The following TCAF1 variants were observed in gnomAD, a reference collection of about 807,000 sequenced individuals.
The protein encoded by TCAF1 is TRPM8 channel associated factor 1.
A neutral mutation model predicts 27.3 loss-of-function variants in TCAF1; 4 were observed. The observed-to-expected ratio is 0.15, with a 90% CI of 0.07 to 0.34. TCAF1 has a LOEUF of 0.34. Among genes scored for constraint, TCAF1 ranks in the 10% least tolerant of loss-of-function variants. The pLI is 1.00. For missense variants in TCAF1, 257 were observed against 425.8 expected, an observed-to-expected ratio of 0.60 and a Z score of 3.49; for synonymous variants, 105 against 167.1, an observed-to-expected ratio of 0.63 and a Z score of 2.87.
intron 2 of TCAF1, among the ~76,000 whole-genome samples, chr7:143,875,122 G>A (rs191637181): frequency 2.7e-4 from 41 of 152,228 alleles, no homozygotes; most frequent in African/African-American, 8.9e-4. Flanking sequence ...TTGGTGTGTC[G>A]TCCTCACCCA....
chr7:143,884,958 GA>G, intron 1 of TCAF1: 1 of 981,012 alleles, frequency 1.0e-6, no homozygotes, highest in Non-Finnish European at 1.2e-6. Context: ...CAGCAATGGA[GA>G]AAGCGCAGGC....
intron 1 of TCAF1, among the ~76,000 whole-genome samples, chr7:143,881,084 G>A (rs899057194): frequency 2.6e-5 from 4 of 152,120 alleles, no homozygotes; most frequent in East Asian, 1.9e-4. Flanking sequence ...ACAGAGCAGC[G>A]CCATGGCTCG....
At chr7:143,894,828 A>C (rs1813799615) in intron 1 of TCAF1, among the ~76,000 whole-genome samples, 1 of 151,776 alleles carries the variant, frequency 6.6e-6, no homozygotes, top group Non-Finnish European at 1.5e-5. Context: ...ATACAAGAAA[A>C]AATATATATG....
At chr7:143,876,724 A>C in intron 1 of TCAF1, 102 bp from the exon 2 acceptor site, 5 of 903,664 alleles carry the variant, frequency 5.5e-6, no homozygotes, top group Non-Finnish European at 7.8e-6. Context: ...TCTTCCCACT[A>C]TGCAGATGAG....
chr7:143,889,984 G>C (rs1813570087), intron 1 of TCAF1, among the ~76,000 whole-genome samples: 1 of 151,924 alleles, frequency 6.6e-6, no homozygotes, highest in African/African-American at 2.4e-5. Context: ...TCTGTGAAGG[G>C]CACCCATTTT....
chr7:143,901,731 TA>T (rs950771953), intron 1 of TCAF1, among the ~76,000 whole-genome samples: 4 of 151,884 alleles, frequency 2.6e-5, no homozygotes, highest in Non-Finnish European at 4.4e-5. Flanking sequence ...CCTACGAAAA[TA>T]GGGGGGGTCA....
chr7:143,871,003 T>C (rs1467047842), intron 2 of TCAF1, among the ~76,000 whole-genome samples: 4 of 92,870 alleles, frequency 4.3e-5, no homozygotes, highest in Admixed American at 1.3e-4. Flanking sequence ...AAAATACTAA[T>C]ATGGAATGAG....
At chr7:143,896,867 A>C (rs971975856) in intron 1 of TCAF1, among the ~76,000 whole-genome samples, 1 of 151,702 alleles carries the variant, frequency 6.6e-6, no homozygotes, top group Non-Finnish European at 1.5e-5. Flanking sequence ...CTAAGCATAT[A>C]ATTTAAAAGC....
chr7:143,883,143 A>T (rs1302792674), intron 1 of TCAF1, among the ~76,000 whole-genome samples: 1 of 152,212 alleles, frequency 6.6e-6, no homozygotes, highest in African/African-American at 2.4e-5. Context: ...TCTGCTTAGT[A>T]TTATTCAGTT....
intron 1 of TCAF1, among the ~76,000 whole-genome samples, chr7:143,893,898 T>C (rs1813761147): frequency 6.6e-6 from 1 of 151,638 alleles, no homozygotes; most frequent in Non-Finnish European, 1.5e-5. Context: ...AATCAGAGAA[T>C]ATAATAAACA....
intron 1 of TCAF1, among the ~76,000 whole-genome samples, chr7:143,897,131 AATATATATATATATATATATATATATAT>A (rs5888117): frequency 0.012 from 943 of 80,398 alleles, 35 homozygotes; most frequent in Admixed American, 0.02. Context: ...GTTAATCTTG[AATATATATATATATATATATATATATAT>A]ATATATATAT....
At chr7:143,882,905 C>T in intron 1 of TCAF1, 1 of 977,086 alleles carries the variant, frequency 1.0e-6, no homozygotes, top group Non-Finnish European at 1.2e-6. Flanking sequence ...CCACGGGAGT[C>T]CCCTCCTCCC....
intron 1 of TCAF1, among the ~76,000 whole-genome samples, chr7:143,896,671 A>G (rs943108343): frequency 4.6e-5 from 7 of 152,068 alleles, no homozygotes; most frequent in African/African-American, 1.7e-4. Context: ...GGCCAAATGG[A>G]ATTTAAAAGG....
At chr7:143,888,064 T>C (rs547531025) in intron 1 of TCAF1, among the ~76,000 whole-genome samples, 70 of 152,356 alleles carry the variant, frequency 4.6e-4, no homozygotes, top group African/African-American at 1.6e-3. Context: ...TGTACATTTA[T>C]GATATACTGA....
intron 6 of TCAF1, among the ~76,000 whole-genome samples, 155 bp downstream of exon 6, chr7:143,860,053 T>A (rs1323608012): frequency 1.3e-5 from 1 of 75,474 alleles, no homozygotes; most frequent in Non-Finnish European, 2.4e-5. Context: ...TAATATATAT[T>A]ATATATATTT....
Position 143,876,475 on chromosome 7 carries a change from C to T in TCAF1, c.134G>A (p.Gly45Asp). 1 of 1,600,364 alleles carries T rather than the reference C, an allele frequency of 6.2e-7. No homozygotes were observed. The highest frequency in any genetic ancestry group is 1.1e-5 in the South Asian group (1 of 88,420). Residue 45 changes from glycine (G) to aspartate (D), a missense_variant, in exon 2 of 9, where the codon GGC (glycine) becomes GAC (aspartate). Transcript: ENST00000479870. ...GGAGGAGGCAGCAATGAGGACCTGG[C>T]CCATGTCATTCACCATCACAGGAAA... ...ASFPVMVNDM[G>D]QVLIAASSYG...
At chr7:143,859,985 A>G (rs7811150) in intron 6 of TCAF1, among the ~76,000 whole-genome samples, 299 of 21,696 alleles carry the variant, frequency 0.014, 28 homozygotes, top group South Asian at 0.066. Flanking sequence ...TATATATTAT[A>G]TAATATATAT....
intron 1 of TCAF1, among the ~76,000 whole-genome samples, chr7:143,883,691 G>C (rs1392875500): frequency 6.6e-6 from 1 of 151,894 alleles, no homozygotes; most frequent in Non-Finnish European, 1.5e-5. Context: ...TTTTTGTAGA[G>C]ACGGGATTTC....
intron 1 of TCAF1, among the ~76,000 whole-genome samples, chr7:143,884,617 C>A (rs1351713684): frequency 1.3e-5 from 2 of 151,444 alleles, no homozygotes; most frequent in South Asian, 2.1e-4. Context: ...AAACGCATAC[C>A]TAAAAATAAA....
Sources: gnomAD v4.1 joint callset for allele counts (sites outside exome capture counted in the v4.1 genomes callset) on GRCh38, gnomAD v4.1.1 for gene constraint, MANE v1.5 for transcripts, NCBI Gene and HGNC (gene_info 2026-07-23, HGNC 2026-07-21) for gene names.